PCCB: variants seen among roughly 807,000 people sequenced by gnomAD.
PCCB encodes the protein propionyl-CoA carboxylase beta chain, mitochondrial.
PCCB carries 43 observed loss-of-function variants against 60.7 expected under a neutral mutation model. The observed-to-expected ratio is 0.71, with a 90% CI of 0.55 to 0.91. The LOEUF (loss-of-function observed/expected upper bound fraction) is 0.91, where lower values mean the gene tolerates loss of function less well. Ranked by LOEUF, PCCB falls within the 40% of genes least tolerant of loss-of-function variation. The probability of loss-of-function intolerance (pLI) is 0.00; values close to 1 mark genes in which losing one functional copy is unlikely to be tolerated. For synonymous variants in PCCB, 276 were observed against 255.9 expected, an observed-to-expected ratio of 1.08 and a Z score of -0.75; for missense variants, 766 against 702.8, an observed-to-expected ratio of 1.09 and a Z score of -1.02.
At chr3:136,326,201 T>A in intron 10 of PCCB, 1 of 604,404 alleles carries the variant, frequency 1.7e-6, no homozygotes, top group Non-Finnish European at 2.9e-6. Flanking sequence ...TGTATTCTTT[T>A]CTGATGATGG....
At chr3:136,315,649 A>G (rs1934861222) in intron 9 of PCCB, among the ~76,000 whole-genome samples, 1 of 151,830 alleles carries the variant, frequency 6.6e-6, no homozygotes, top group Non-Finnish European at 1.5e-5. Flanking sequence ...TGCGCAACAT[A>G]GCAAGACCCT....
chr3:136,309,397 TAGA>T (rs1934573629), intron 9 of PCCB, among the ~76,000 whole-genome samples: 1 of 151,356 alleles, frequency 6.6e-6, no homozygotes, highest in Non-Finnish European at 1.5e-5. Flanking sequence ...ATGATGGAAA[TAGA>T]AGAATAGCTG....
chr3:136,268,116 A>ATATATG (rs1261063714), intron 5 of PCCB, among the ~76,000 whole-genome samples: 1 of 119,218 alleles, frequency 8.4e-6, no homozygotes, highest in Non-Finnish European at 1.7e-5. Flanking sequence ...ATATATATAT[A>ATATATG]TATATGTATA....
intron 10 of PCCB, among the ~76,000 whole-genome samples, chr3:136,317,278 G>C (rs1389169910): frequency 1.5e-5 from 2 of 130,634 alleles, no homozygotes; most frequent in Non-Finnish European, 3.1e-5. Context: ...CTGGAGTGCA[G>C]TGGTGTGATC....
chr3:136,304,820 T>G (rs1227366938), intron 9 of PCCB, among the ~76,000 whole-genome samples: 1 of 119,578 alleles, frequency 8.4e-6, no homozygotes, highest in Admixed American at 1.0e-4. Flanking sequence ...ACCTCCTGAA[T>G]AGCTGTGATT....
At chr3:136,252,275 T>C (rs1281779413) in intron 1 of PCCB, 10 of 455,538 alleles carry the variant, frequency 2.2e-5, no homozygotes, top group Non-Finnish European at 3.1e-5. Context: ...TTTATTTTTT[T>C]TGAGACAGAG....
At chr3:136,264,022 A>G (rs1362525490) in intron 5 of PCCB, among the ~76,000 whole-genome samples, 1 of 152,054 alleles carries the variant, frequency 6.6e-6, no homozygotes, top group Non-Finnish European at 1.5e-5. Flanking sequence ...AAAAAAAAAA[A>G]AAAAATTCAA....
At chr3:136,287,170 C>T in intron 6 of PCCB, among the ~76,000 whole-genome samples, 1 of 152,078 alleles carries the variant, frequency 6.6e-6, no homozygotes, top group Non-Finnish European at 1.5e-5. Flanking sequence ...TCTTTATTGT[C>T]TCAGCTTTTA....
At chr3:136,289,901 A>T (rs537685452) in intron 6 of PCCB, among the ~76,000 whole-genome samples, 15 of 151,770 alleles carry the variant, frequency 9.9e-5, no homozygotes, top group Non-Finnish European at 1.9e-4. Context: ...TGAGTACCTT[A>T]TAATAGCAAA....
intron 9 of PCCB, among the ~76,000 whole-genome samples, chr3:136,314,549 G>A (rs900962231): frequency 6.6e-6 from 1 of 152,112 alleles, no homozygotes; most frequent in Non-Finnish European, 1.5e-5. Context: ...CAGCTGCTTG[G>A]GAGGCTAAGG....
Position 136,256,718 on chromosome 3 carries a change from C to T in PCCB, c.372+95C>T, listed in dbSNP as rs556204706. The T allele has an allele frequency of 6.8e-6, 6 of 888,728 alleles. No individual in the cohort carries two copies. The East Asian group carries it at 1.2e-4, about 18-fold the overall frequency. The allele number at this position is 888,728 out of a possible 1,614,324, so 55.1% of individuals were successfully genotyped here. A position where few individuals can be genotyped will look rare whatever the true frequency, so the allele number is the denominator to read the frequency against. ...GCCAATCTTGGGGAATGAAAACTTG[C>T]TTGTAGTTTGGGGAAAATGAGGGAT... is the stretch of plus-strand genomic sequence containing the variant. On this transcript the variant is annotated intron_variant, in intron 3 of 14. Coordinates refer to ENST00000251654, the MANE Select transcript of PCCB (RefSeq NM_000532.5).
intron 5 of PCCB, among the ~76,000 whole-genome samples, chr3:136,267,411 T>G (rs1942033793): frequency 6.6e-6 from 1 of 152,086 alleles, no homozygotes; most frequent in South Asian, 2.1e-4. Flanking sequence ...CCCAGCCTGG[T>G]CTTGAACTCC....
chr3:136,289,134 A>T (rs560493920), intron 6 of PCCB, among the ~76,000 whole-genome samples: 1 of 152,214 alleles, frequency 6.6e-6, no homozygotes, highest in Non-Finnish European at 1.5e-5. Flanking sequence ...CTGGGATTAT[A>T]GGCATGAGAC....
chr3:136,272,825 G>C (rs1229244480), intron 5 of PCCB, among the ~76,000 whole-genome samples: 1 of 151,740 alleles, frequency 6.6e-6, no homozygotes, highest in Non-Finnish European at 1.5e-5. Flanking sequence ...ATTTCCTTTA[G>C]TTCTGCTCTG....
chr3:136,294,304 T>G (rs896682455), intron 7 of PCCB, among the ~76,000 whole-genome samples: 1 of 152,004 alleles, frequency 6.6e-6, no homozygotes, highest in African/African-American at 2.4e-5. Flanking sequence ...ATGAATTTGG[T>G]CATAGTTGTT....
rs1413556272 is a variant in PCCB, at chr3:136,293,826, A to G, written c.725A>G (p.Glu242Gly). 1 of 1,612,968 alleles carries G rather than the reference A, an allele frequency of 6.2e-7. No homozygotes were observed. Among genetic ancestry groups the G allele is most frequent in the Non-Finnish European group, 8.5e-7 (1 of 1,178,982 alleles). The change falls in exon 7 of 15, where the codon GAG becomes GGG. Residue 242 changes from glutamate (E) to glycine (G), a missense_variant. Coordinates refer to ENST00000251654, the MANE Select transcript of PCCB (RefSeq NM_000532.5). ...KSVTNEDVTQ[E>G]ELGGAKTHTT... ...GTCACCAATGAGGATGTTACCCAGG[A>G]GGAGCTCGGTGGTGCCAAGACCCAC... is the stretch of plus-strand genomic sequence containing the variant.
At position 136,266,584 on chromosome 3, in the gene PCCB, G is replaced by C. The variant is rs531241976; in HGVS notation, c.543+4519G>C. On this transcript the variant is annotated intron_variant, in intron 5 of 14. Coordinates refer to ENST00000251654, the MANE Select transcript of PCCB (RefSeq NM_000532.5). The stretch of plus-strand genomic sequence containing the variant: ...TTACAGGCGTGAGCCACTGTGCCTG[G>C]TCCAGTCTTTTTGACTATAGCCATT... 1.7e-3 allele frequency among the ~76,000 whole-genome samples: 253 copies of C among 152,230 alleles called. 1 individual carries two copies. The highest frequency in any genetic ancestry group is 5.1e-3 in the African/African-American group (212 of 41,512).
At chr3:136,295,003 G>T (rs1576335803) in intron 7 of PCCB, among the ~76,000 whole-genome samples, 1 of 152,190 alleles carries the variant, frequency 6.6e-6, no homozygotes, top group Admixed American at 6.5e-5. Flanking sequence ...AAAAGTTCTT[G>T]TTTAAACAGA....
At chr3:136,324,522 G>A (rs1167112610) in intron 10 of PCCB, among the ~76,000 whole-genome samples, 5 of 151,794 alleles carry the variant, frequency 3.3e-5, no homozygotes, top group Admixed American at 6.6e-5. Context: ...CTCATCCTAG[G>A]CATACATGTG....
Sources: allele counts gnomAD v4.1 joint callset (sites outside exome capture counted in the v4.1 genomes callset), GRCh38; gene constraint gnomAD v4.1.1; transcripts MANE v1.5; gene names NCBI Gene and HGNC (gene_info 2026-07-23, HGNC 2026-07-21).